Variants in ALMS1 observed in about 807,000 individuals in gnomAD.
ALMS1 encodes centrosome-associated protein ALMS1.
ALMS1 carries 271 observed loss-of-function variants against 352.2 expected under a neutral mutation model. The ratio of observed to expected loss-of-function variants is 0.77; its 90% CI spans 0.70 to 0.85. The LOEUF (loss-of-function observed/expected upper bound fraction) is 0.85. Among genes scored for constraint, ALMS1 ranks in the 40% least tolerant of loss-of-function variants. The pLI, the probability that ALMS1 is intolerant of heterozygous loss-of-function variation, is 0.00. For missense variants in ALMS1, 5,445 were observed against 4,870.7 expected, an observed-to-expected ratio of 1.12 and a Z score of -3.51; for synonymous variants, 1,865 against 1,761.2, an observed-to-expected ratio of 1.06 and a Z score of -1.48.
At chr2:73,583,166 T>C (rs1675225206) in intron 16 of ALMS1, among the ~76,000 whole-genome samples, 1 of 151,838 alleles carries the variant, frequency 6.6e-6, no homozygotes, top group Admixed American at 6.6e-5. Context: ...ATGTCATCTT[T>C]AGAGAAATGT....
chr2:73,492,674 A>G (rs978370569), intron 10 of ALMS1, among the ~76,000 whole-genome samples: 4 of 152,042 alleles, frequency 2.6e-5, no homozygotes, highest in Admixed American at 2.0e-4. Context: ...GATTGGGGCA[A>G]AAAAACAAGG....
intron 16 of ALMS1, among the ~76,000 whole-genome samples, chr2:73,585,475 C>T (rs1200698414): frequency 6.7e-6 from 1 of 149,406 alleles, no homozygotes; most frequent in African/African-American, 2.5e-5. Flanking sequence ...CTCACTGCAA[C>T]CTCTGCTTCC....
intron 16 of ALMS1, among the ~76,000 whole-genome samples, chr2:73,589,218 AAC>A (rs1380592603): frequency 9.2e-6 from 1 of 108,536 alleles, no homozygotes; most frequent in Non-Finnish European, 1.7e-5. Context: ...CAGATTGATA[AAC>A]ACAAAAAGTT....
chr2:73,539,223 C>G (rs1230613587), intron 12 of ALMS1, among the ~76,000 whole-genome samples: 1 of 152,180 alleles, frequency 6.6e-6, no homozygotes, highest in Admixed American at 6.5e-5. Context: ...ATTTGCTGTT[C>G]ACCAATATTC....
chr2:73,428,104 T>A (rs940038650), intron 6 of ALMS1, among the ~76,000 whole-genome samples: 23 of 152,214 alleles, frequency 1.5e-4, no homozygotes, highest in African/African-American at 5.1e-4. Context: ...AGGCATTTTT[T>A]AATTTTAATC....
At chr2:73,463,987 A>G (rs1412912294) in intron 9 of ALMS1, among the ~76,000 whole-genome samples, 2 of 152,240 alleles carry the variant, frequency 1.3e-5, no homozygotes, top group African/African-American at 4.8e-5. Flanking sequence ...CCAGGTCCAG[A>G]TGGAATCACA....
intron 9 of ALMS1, among the ~76,000 whole-genome samples, chr2:73,463,198 T>G (rs1450148771): frequency 6.6e-6 from 1 of 152,182 alleles, no homozygotes; most frequent in Non-Finnish European, 1.5e-5. Flanking sequence ...ACTGACCACG[T>G]AGTTGGAAGT....
chr2:73,491,565 T>G, intron 10 of ALMS1, 67 bp downstream of exon 10: 9 of 1,531,766 alleles, frequency 5.9e-6, no homozygotes, highest in Non-Finnish European at 7.2e-6. Context: ...AATACTTAAG[T>G]AGATATCGGT....
rs17848873 is a variant in ALMS1 at position 73,408,520 on chromosome 2, G to A, written c.325-102G>A. 7.6e-6 allele frequency: 10 copies of A among 1,319,266 alleles called. No individual in the cohort carries two copies. The East Asian group carries it at 2.6e-4, about 34-fold the overall frequency. 81.7% of individuals were successfully genotyped at this position (1,319,266 alleles called of 1,614,324 possible). On this transcript the variant is annotated intron_variant, in intron 1 of 22. Transcript: ENST00000613296. ...ATCAAAATGTCGTATATGTGAAAGGGCTTTATAAACTGGGAAGTATGGTCT... is the reference window on the plus strand; with the variant it reads ...ATCAAAATGTCGTATATGTGAAAGGACTTTATAAACTGGGAAGTATGGTCT...
intron 7 of ALMS1, among the ~76,000 whole-genome samples, chr2:73,440,892 C>A (rs1354094876): frequency 3.9e-5 from 6 of 152,098 alleles, no homozygotes; most frequent in Admixed American, 3.9e-4. Context: ...TAGGCTCTGG[C>A]CTATTTATGT....
intron 2 of ALMS1, among the ~76,000 whole-genome samples, chr2:73,417,211 G>C (rs1033222951): frequency 6.6e-6 from 1 of 152,104 alleles, no homozygotes; most frequent in Non-Finnish European, 1.5e-5. Flanking sequence ...TATATTCCTA[G>C]TAAATAGAGT....
chr2:73,506,677 G>C (rs890868126), intron 10 of ALMS1, among the ~76,000 whole-genome samples: 1 of 152,134 alleles, frequency 6.6e-6, no homozygotes, highest in Admixed American at 6.5e-5. Flanking sequence ...AGGAGTTTTT[G>C]GGCTGAGATG....
At chr2:73,551,467 G>T (rs1460564819) in intron 13 of ALMS1, among the ~76,000 whole-genome samples, 1 of 126,368 alleles carries the variant, frequency 7.9e-6, no homozygotes, top group African/African-American at 3.1e-5. Flanking sequence ...TTGGAGTTGC[G>T]ATCTTGTTGC....
At chr2:73,476,950 A>G (rs1251385792) in intron 9 of ALMS1, among the ~76,000 whole-genome samples, 2 of 152,136 alleles carry the variant, frequency 1.3e-5, no homozygotes, top group Non-Finnish European at 1.5e-5. Context: ...TTAAGTTCCT[A>G]TGGTATTCAG....
intron 16 of ALMS1, among the ~76,000 whole-genome samples, chr2:73,580,234 A>G (rs1474948039): frequency 6.6e-6 from 1 of 152,092 alleles, no homozygotes; most frequent in Non-Finnish European, 1.5e-5. Context: ...ATGCACCACC[A>G]CACTCATCTC....
chr2:73,386,274 G>C, intron 1 of ALMS1, 82 bp downstream of exon 1: 3 of 1,416,388 alleles, frequency 2.1e-6, no homozygotes, highest in South Asian at 3.0e-5. Flanking sequence ...CCGCCCGCAG[G>C]TCACGCCGCC....
intron 17 of ALMS1, among the ~76,000 whole-genome samples, chr2:73,600,034 A>C (rs149457896): frequency 6.6e-5 from 10 of 152,366 alleles, no homozygotes; most frequent in African/African-American, 2.4e-4. Context: ...CTCTGTACTA[A>C]CATGGAAAGA....
intron 3 of ALMS1, among the ~76,000 whole-genome samples, chr2:73,420,324 G>T (rs768226914): frequency 1.3e-5 from 2 of 152,264 alleles, no homozygotes; most frequent in South Asian, 2.1e-4. Flanking sequence ...TGTAGAGCAG[G>T]AGTCTGCAAA....
chr2:73,448,380 C>T lies in ALMS1; in HGVS notation c.1853C>T (p.Thr618Ile). 2 of 1,613,994 alleles carry T rather than the reference C, an allele frequency of 1.2e-6. No homozygotes were observed. Among genetic ancestry groups the T allele is most frequent in the Non-Finnish European group, 1.7e-6 (2 of 1,179,926 alleles). Residue 618 changes from threonine (T) to isoleucine (I), a missense_variant, in exon 8 of 23, where the codon ACC (threonine) becomes ATC (isoleucine). Transcript: ENST00000613296. The stretch of plus-strand genomic sequence containing the variant: ...CAGACAACTGGCATGTCAACTCTAA[C>T]CTCTACTTCCTACTCACATAGAGAG... The part of the protein sequence containing the change: ...ADQTTGMSTL[T>I]STSYSHREKP...
Sources: gnomAD v4.1 joint callset for allele counts (sites outside exome capture counted in the v4.1 genomes callset) on GRCh38, gnomAD v4.1.1 for gene constraint, MANE v1.5 for transcripts, NCBI Gene and HGNC (gene_info 2026-07-23, HGNC 2026-07-21) for gene names.